Variants in STN1 observed in about 807,000 individuals in gnomAD.
The protein encoded by STN1 is CST complex subunit STN1.
In STN1, 29 loss-of-function variants were observed where a neutral mutation model predicts 45.5. The ratio of observed to expected loss-of-function variants is 0.64; its 90% CI spans 0.47 to 0.87. The LOEUF is 0.87. STN1 is among the 40% of genes least tolerant of loss of function. The probability of loss-of-function intolerance (pLI) is 0.00; values close to 1 mark genes in which losing one functional copy is unlikely to be tolerated. For synonymous variants in STN1, 148 were observed against 159.0 expected (o/e 0.93, Z 0.52); for missense variants, 376 against 441.4 (o/e 0.85, Z 1.33).
intron 4 of STN1, among the ~76,000 whole-genome samples, chr10:103,901,964 A>C (rs1444873769): frequency 6.6e-6 from 1 of 152,242 alleles, no homozygotes; most frequent in East Asian, 1.9e-4. Context: ...ATTATTCCGT[A>C]CATCTTATTT....
chr10:103,892,540 T>C (rs1042783263), intron 7 of STN1, among the ~76,000 whole-genome samples: 1 of 152,082 alleles, frequency 6.6e-6, no homozygotes, highest in Non-Finnish European at 1.5e-5. Context: ...ACCCTCACTG[T>C]TGGACAATCT....
intron 2 of STN1, among the ~76,000 whole-genome samples, chr10:103,913,110 C>T (rs1393164876): frequency 6.6e-6 from 1 of 152,220 alleles, no homozygotes; most frequent in African/African-American, 2.4e-5. Context: ...AGAGCAAAAA[C>T]ACTTTCAGAT....
chr10:103,891,947 G>A (rs1173374677), intron 8 of STN1, among the ~76,000 whole-genome samples, 183 bp downstream of exon 8: 1 of 152,140 alleles, frequency 6.6e-6, no homozygotes, highest in African/African-American at 2.4e-5. Flanking sequence ...AAACTTGTGT[G>A]GTTCATGGGT....
intron 2 of STN1, 124 bp from the exon 3 acceptor site, chr10:103,910,746 G>A: frequency 1.7e-6 from 1 of 572,830 alleles, no homozygotes; most frequent in Non-Finnish European, 3.1e-6. Flanking sequence ...TGAAATTCTA[G>A]ACTTAAGAAT....
intron 8 of STN1, among the ~76,000 whole-genome samples, chr10:103,890,610 C>T (rs1456453713): frequency 6.6e-6 from 1 of 152,224 alleles, no homozygotes; most frequent in Non-Finnish European, 1.5e-5. Context: ...GCTTCTCCAA[C>T]TTCCAGGAAG....
intron 4 of STN1, among the ~76,000 whole-genome samples, chr10:103,900,425 CG>C (rs1180793654): frequency 6.6e-6 from 1 of 152,112 alleles, no homozygotes; most frequent in Non-Finnish European, 1.5e-5. Flanking sequence ...TATTCAAGAG[CG>C]GGGTGAAAGG....
chr10:103,909,040 C>T (rs963955595), intron 3 of STN1, among the ~76,000 whole-genome samples: 3 of 151,926 alleles, frequency 2.0e-5, no homozygotes, highest in African/African-American at 4.8e-5. Flanking sequence ...GTTACTAAGC[C>T]TTAGTTTTCT....
Position 103,882,982 on chromosome 10 carries a change from T to C in STN1, c.950-141A>G, listed in dbSNP as rs146625799. ...ACATTAAAGTCAGAAATGCATGATC[T>C]ACCTGATCACAAAAACAAAACAGAA... On this transcript the variant is annotated intron_variant, in intron 9 of 9. Coordinates refer to ENST00000224950, the MANE Select transcript of STN1 (RefSeq NM_024928.5). 526 of 801,438 alleles carry C rather than the reference T, an allele frequency of 6.6e-4. 1 individual carries two copies. The highest frequency in any genetic ancestry group is 8.1e-4 in the Non-Finnish European group (432 of 532,114). The allele number at this position is 801,438 out of a possible 1,614,324, so 49.6% of individuals were successfully genotyped here. A position where few individuals can be genotyped will look rare whatever the true frequency, so the allele number is the denominator to read the frequency against.
rs147106854 is a variant in STN1 at position 103,911,619 on chromosome 10, C to T, written c.134-997G>A. Among the ~76,000 whole-genome samples the T allele has an allele frequency of 3.0e-3, 450 of 152,278 alleles. 1 individual carries two copies. The highest frequency in any genetic ancestry group is 7.5e-3 in the South Asian group (36 of 4,828). On this transcript the variant is annotated intron_variant, in intron 2 of 9. Transcript: ENST00000224950. ...CTGGTCTTGAACTCCCGGCCTCAAG[C>T]GATCCTCCCACCTTGGTGTCTCAAA...
At chr10:103,896,815 C>T (rs1843173934) in intron 7 of STN1, among the ~76,000 whole-genome samples, 1 of 151,844 alleles carries the variant, frequency 6.6e-6, no homozygotes, top group South Asian at 2.1e-4. Context: ...GGATTACAGG[C>T]GTGAGCCACT....
Position 103,910,576 on chromosome 10 carries a change from C to G in STN1, c.180G>C (p.Leu60Phe). The change falls in exon 3 of 10, where the codon TTG (leucine) becomes TTC (phenylalanine). Residue 60 changes from leucine to phenylalanine, a missense_variant. By Grantham distance (22) the Leu-to-Phe change is conservative. Transcript: ENST00000224950. Reference sequence around the variant, plus strand: ...TTTCTCTCACTCCAATGACAGTTCCCAAGACATCTACCTGTTTTATTGGAT... The same window carrying G: ...TTTCTCTCACTCCAATGACAGTTCCGAAGACATCTACCTGTTTTATTGGAT... ...NGHPIKQVDV[L>F]GTVIGVRERD... 6 of 1,611,158 alleles carry G rather than the reference C, an allele frequency of 3.7e-6. No homozygotes were observed. Among genetic ancestry groups the G allele is most frequent in the Non-Finnish European group, 5.1e-6 (6 of 1,177,698 alleles).
At chr10:103,913,187 C>G (rs1843303105) in intron 2 of STN1, among the ~76,000 whole-genome samples, 1 of 152,214 alleles carries the variant, frequency 6.6e-6, no homozygotes, top group Non-Finnish European at 1.5e-5. Context: ...ATTGAGAAGA[C>G]TGGGCTAATG....
chr10:103,897,313 G>GAA (rs34763036), intron 7 of STN1, among the ~76,000 whole-genome samples: 38 of 149,704 alleles, frequency 2.5e-4, no homozygotes, highest in South Asian at 1.5e-3. Flanking sequence ...CTCTGTCTCC[G>GAA]AAAAAAAAAA....
In STN1 at chr10:103,880,899, A is replaced by G. The variant is rs1843064469; in HGVS notation, c.*1785T>C. 1.3e-5 allele frequency among the ~76,000 whole-genome samples: 2 copies of G among 152,158 alleles called. No homozygotes were observed. The highest frequency in any genetic ancestry group is 4.8e-5 in the African/African-American group (2 of 41,420). On this transcript the variant is annotated 3_prime_UTR_variant, in exon 10 of 10. Transcript: ENST00000224950. ...ACTGTGTGTGTGTATATATATATATATGTACATGTGCTACATTTATAAAGA... is the reference window on the plus strand; with the variant it reads ...ACTGTGTGTGTGTATATATATATATGTGTACATGTGCTACATTTATAAAGA...
intron 7 of STN1, among the ~76,000 whole-genome samples, chr10:103,896,018 A>G (rs1843168926): frequency 6.6e-6 from 1 of 152,144 alleles, no homozygotes; most frequent in Middle Eastern, 3.2e-3. Context: ...ACAGTGACTT[A>G]GAGTACACAC....
intron 3 of STN1, among the ~76,000 whole-genome samples, chr10:103,908,116 G>A (rs1427863467): frequency 1.0e-4 from 14 of 138,618 alleles, no homozygotes; most frequent in East Asian, 8.1e-4. Flanking sequence ...GCCACAGAGC[G>A]AGACTCCATC....
chr10:103,895,930 G>A (rs1165586928), intron 7 of STN1, among the ~76,000 whole-genome samples: 1 of 152,194 alleles, frequency 6.6e-6, no homozygotes, highest in Non-Finnish European at 1.5e-5. Flanking sequence ...AAGAATCTGT[G>A]AGACATACGT....
Position 103,882,500 on chromosome 10 carries a change from T to C in STN1, c.*184A>G, listed in dbSNP as rs1313059868. The stretch of plus-strand genomic sequence containing the variant: ...TCAAAGTCATTGTACACCAAGGACA[T>C]AGTGGACAGAAGGGAGCCAACAACA... On this transcript the variant is annotated 3_prime_UTR_variant, in exon 10 of 10. Transcript: ENST00000224950. 5 of 570,674 alleles carry C rather than the reference T, an allele frequency of 8.8e-6. No homozygotes were observed. Among genetic ancestry groups the C allele is most frequent in the South Asian group, 2.5e-5 (1 of 39,492 alleles). The allele number at this position is 570,674 out of a possible 1,614,324, so 35.4% of individuals were successfully genotyped here.
intron 9 of STN1, among the ~76,000 whole-genome samples, chr10:103,885,625 G>A (rs1049275064): frequency 1.3e-5 from 2 of 152,034 alleles, no homozygotes; most frequent in African/African-American, 2.4e-5. Flanking sequence ...GGCTGGTCTC[G>A]AACTCCTGGC....
Sources: allele counts gnomAD v4.1 joint callset (sites outside exome capture counted in the v4.1 genomes callset), GRCh38; gene constraint gnomAD v4.1.1; transcripts MANE v1.5; gene names NCBI Gene and HGNC (gene_info 2026-07-23, HGNC 2026-07-21).